UBXN6: variants seen among roughly 807,000 people sequenced by gnomAD.
UBXN6 encodes the protein UBX domain protein 6.
A neutral mutation model predicts 51.4 loss-of-function variants in UBXN6; 44 were observed. That is an observed-to-expected ratio of 0.86 (90% CI 0.67 to 1.10). The LOEUF is 1.10. UBXN6 is among the 50% of genes least tolerant of loss of function. The pLI, the probability that UBXN6 is intolerant of heterozygous loss-of-function variation, is 0.00. For synonymous variants in UBXN6, 316 were observed against 263.2 expected (o/e 1.20, Z -1.94); for missense variants, 672 against 596.1 (o/e 1.13, Z -1.32).
chr19:4,455,792 G>T (rs1974731622), intron 1 of UBXN6, among the ~76,000 whole-genome samples: 1 of 152,044 alleles, frequency 6.6e-6, no homozygotes, highest in South Asian at 2.1e-4. Context: ...CTGCCGCAGG[G>T]AGAGAAGGAG....
rs1568192242 is a variant in UBXN6, at chr19:4,452,353, G to GTGCCACTCACCAAGAGAATGGCCTCCTT, written c.424_441+10dup. The GTGCCACTCACCAAGAGAATGGCCTCCTT allele has an allele frequency of 1.2e-6, 2 of 1,612,816 alleles. No homozygotes were observed. The highest frequency in any genetic ancestry group is 2.2e-5 in the South Asian group (2 of 90,956). On this transcript the variant is annotated intron_variant, in intron 4 of 10. Transcript: ENST00000301281. Reference sequence around the variant, plus strand: ...ACAGGTTGGGGCAGGAGCACACAGGGTGCCACTCACCAAGAGAATGGCCTC... The same window carrying GTGCCACTCACCAAGAGAATGGCCTCCTT: ...ACAGGTTGGGGCAGGAGCACACAGGGTGCCACTCACCAAGAGAATGGCCTCCTTTGCCACTCACCAAGAGAATGGCCTC...
Position 4,454,047 on chromosome 19 carries a change from G to A in UBXN6, c.130C>T (p.Pro44Ser). 6.3e-7 allele frequency: 1 copy of A among 1,584,832 alleles called. No homozygotes were observed. The highest frequency in any genetic ancestry group is 8.6e-7 in the Non-Finnish European group (1 of 1,168,476). Residue 44 changes from proline (P) to serine (S), a missense_variant, in exon 2 of 11, where the codon CCC (proline) becomes TCC (serine). Coordinates refer to ENST00000301281, the MANE Select transcript of UBXN6 (RefSeq NM_025241.3). ...GCCTCATTGGTGGGTCCCTGGCGGG[G>A]CGGCCTGGGGGCTGGCTGGTTGGGC... is the stretch of plus-strand genomic sequence containing the variant. ...EKPNQPAPRP[P>S]RQGPTNEAQM...
rs1254097332 is a variant in UBXN6, at chr19:4,457,720, G to A, written c.-23C>T. 1 of 1,494,774 alleles carries A rather than the reference G, an allele frequency of 6.7e-7. No individual in the cohort carries two copies. Among genetic ancestry groups the A allele is most frequent in the East Asian group, 2.7e-5 (1 of 36,806 alleles). The allele number at this position is 1,494,774 out of a possible 1,614,324, so 92.6% of individuals were successfully genotyped here. ...CATGGTGGCGGCTGGCCCGGCGGCG[G>A]GGGGCCGCGGGGGCGGGGGGGCACG... On this transcript the variant is annotated 5_prime_UTR_variant, in exon 1 of 11. Coordinates refer to ENST00000301281, the MANE Select transcript of UBXN6 (RefSeq NM_025241.3).
Position 4,446,209 on chromosome 19 carries a change from G to T in UBXN6, c.1052-12C>A. ...AGCGTAGAAAGTGCCTGGGGAGTGG[G>T]GGAGTCAGAGCGGGTGGGGCCCAGG... On this transcript the variant is annotated splice_polypyrimidine_tract_variant and intron_variant, in intron 9 of 10. Coordinates refer to ENST00000301281, the MANE Select transcript of UBXN6 (RefSeq NM_025241.3). 1 of 1,594,576 alleles carries T rather than the reference G, an allele frequency of 6.3e-7. No homozygotes were observed.
At chr19:4,447,714 G>T in intron 5 of UBXN6, 89 bp from the exon 6 acceptor site, 1 of 1,312,174 alleles carries the variant, frequency 7.6e-7, no homozygotes, top group Non-Finnish European at 1.1e-6. Flanking sequence ...CAGCAGCTCA[G>T]CCACACTTGG....
chr19:4,453,395 G>T lies in UBXN6; in HGVS notation c.312+63C>A, dbSNP rs1008986094. On this transcript the variant is annotated intron_variant, in intron 3 of 10. Transcript: ENST00000301281. ...CAAGGGCAGAGGCCACATCTCCCCC[G>T]TGACACAGTCAAGCTGTCCCCACCC... The T allele has an allele frequency of 2.0e-5, 31 of 1,566,012 alleles. No homozygotes were observed. In the East Asian group the frequency reaches 6.9e-4, roughly 35 times the overall value.
Position 4,446,922 on chromosome 19 carries a change from T to C in UBXN6, c.616-2A>G. 1 of 1,613,706 alleles carries C rather than the reference T, an allele frequency of 6.2e-7. No individual in the cohort carries two copies. The highest frequency in any genetic ancestry group is 8.5e-7 in the Non-Finnish European group (1 of 1,179,916). Reference sequence around the variant, plus strand: ...CCCTTCCAGGCAGTTAATGCGCTCCTGGGGGTGGAGATGGGCGTCACTGGG... The same window carrying C: ...CCCTTCCAGGCAGTTAATGCGCTCCCGGGGGTGGAGATGGGCGTCACTGGG... On this transcript the variant is annotated splice_acceptor_variant, in intron 6 of 10. Coordinates refer to ENST00000301281, the MANE Select transcript of UBXN6 (RefSeq NM_025241.3). LOFTEE classifies it high-confidence loss of function.
Position 4,446,173 on chromosome 19 carries a change from A to G in UBXN6, c.1076T>C (p.Leu359Pro), listed in dbSNP as rs780697668. 6.2e-7 allele frequency: 1 copy of G among 1,609,018 alleles called. No individual in the cohort carries two copies. The highest frequency in any genetic ancestry group is 8.5e-7 in the Non-Finnish European group (1 of 1,179,200). ...LQGTFYARER[L>P]GAVYGFVREA... ...CCGGACGAACCCGTACACCGCCCCC[A>G]GCCGCTCCCGAGCGTAGAAAGTGCC... Residue 359 changes from leucine (L) to proline (P), a missense_variant, in exon 10 of 11, where the codon CTG becomes CCG. By Grantham distance (98) the Leu-to-Pro change is moderately conservative (BLOSUM62 -3). Coordinates refer to ENST00000301281, the MANE Select transcript of UBXN6 (RefSeq NM_025241.3).
upstream of UBXN6, chr19:4,457,794 TTAAAAAAA>T (rs1265092701): frequency 3.4e-4 from 55 of 161,508 alleles, no homozygotes; most frequent in African/African-American, 7.5e-4. Context: ...CGGAAGAAAA[TTAAAAAAA>T]AAAAAAAAAA....
At position 4,457,596 on chromosome 19, in the gene UBXN6, C is replaced by T. The variant is rs1974758135; in HGVS notation, c.83+19G>A. On this transcript the variant is annotated intron_variant, in intron 1 of 10. Coordinates refer to ENST00000301281, the MANE Select transcript of UBXN6 (RefSeq NM_025241.3). ...GTCCCCGCCCCGCAGGGCCTCAAGCCCCTGCGTTCCTCACGCACCCCACGG... is the reference window on the plus strand; with the variant it reads ...GTCCCCGCCCCGCAGGGCCTCAAGCTCCTGCGTTCCTCACGCACCCCACGG... The T allele has an allele frequency of 6.3e-7, 1 of 1,588,460 alleles. No individual in the cohort carries two copies. The highest frequency in any genetic ancestry group is 8.5e-7 in the Non-Finnish European group (1 of 1,169,804).
chr19:4,445,310 C>T lies in UBXN6; in HGVS notation c.*188G>A. On this transcript the variant is annotated 3_prime_UTR_variant, in exon 11 of 11. Coordinates refer to ENST00000301281, the MANE Select transcript of UBXN6 (RefSeq NM_025241.3). ...CCTCGGGGGCTTGGGCGCATCCCCA[C>T]AGCCCCCAAGGGATGGGGGCTCTGC... The T allele has an allele frequency of 1.0e-6, 1 of 970,814 alleles. No individual in the cohort carries two copies. 60.1% of individuals were successfully genotyped at this position (970,814 alleles called of 1,614,324 possible). A position where few individuals can be genotyped will look rare whatever the true frequency, so the allele number is the denominator to read the frequency against.
intron 1 of UBXN6, 104 bp downstream of exon 1, chr19:4,457,511 A>T: frequency 1.2e-6 from 1 of 813,136 alleles, no homozygotes; most frequent in Non-Finnish European, 1.6e-6. Context: ...TGCCGCTCCC[A>T]GCCCCTCATC....
intron 1 of UBXN6, 144 bp downstream of exon 1, chr19:4,457,471 G>C (rs1974755341): frequency 6.9e-6 from 1 of 144,450 alleles, no homozygotes; most frequent in Non-Finnish European, 1.1e-5. Flanking sequence ...GTCCGCCCCC[G>C]GCGCCTCTCC....
chr19:4,452,031 C>T (rs1327966946), intron 4 of UBXN6, among the ~76,000 whole-genome samples: 2 of 151,192 alleles, frequency 1.3e-5, no homozygotes, highest in East Asian at 3.9e-4. Flanking sequence ...TGCCTGTAAT[C>T]CCAGCTACTT....
intron 1 of UBXN6, among the ~76,000 whole-genome samples, chr19:4,454,347 C>G (rs889504893): frequency 5.9e-5 from 9 of 152,204 alleles, no homozygotes; most frequent in Non-Finnish European, 1.3e-4. Context: ...GTCCTGCCCC[C>G]ACTGGCCCTC....
Position 4,457,733 on chromosome 19 carries a change from G to T in UBXN6, c.-36C>A, listed in dbSNP as rs1212394282. 2 of 1,452,326 alleles carry T rather than the reference G, an allele frequency of 1.4e-6. No individual in the cohort carries two copies. Among genetic ancestry groups the T allele is most frequent in the Non-Finnish European group, 9.2e-7 (1 of 1,088,454 alleles). 90.0% of individuals were successfully genotyped at this position (1,452,326 alleles called of 1,614,324 possible). ...GGCCCGGCGGCGGGGGGCCGCGGGG[G>T]CGGGGGGGCACGGGGCCCAGTCGGG... On this transcript the variant is annotated 5_prime_UTR_variant, in exon 1 of 11. Coordinates refer to ENST00000301281, the MANE Select transcript of UBXN6 (RefSeq NM_025241.3).
Position 4,445,391 on chromosome 19 carries a change from A to G in UBXN6, c.*107T>C, listed in dbSNP as rs1974484756. ...GGCGCCCCTCCCGTGCCCATGGGGC[A>G]GAGCCAAGTATTTCCAGAGGTGGCT... is the stretch of plus-strand genomic sequence containing the variant. On this transcript the variant is annotated 3_prime_UTR_variant, in exon 11 of 11. Coordinates refer to ENST00000301281, the MANE Select transcript of UBXN6 (RefSeq NM_025241.3). 6.5e-7 allele frequency: 1 copy of G among 1,549,814 alleles called. No individual in the cohort carries two copies. The highest frequency in any genetic ancestry group is 2.3e-5 in the East Asian group (1 of 44,144).
At chr19:4,448,526 G>A (rs962785379) in intron 4 of UBXN6, 111 bp from the exon 5 acceptor site, 19 of 856,732 alleles carry the variant, frequency 2.2e-5, no homozygotes, top group African/African-American at 1.0e-4. Flanking sequence ...GGCTTGGAGC[G>A]GCCCCAGCTG....
At chr19:4,447,341 AT>A in intron 6 of UBXN6, 1 of 594,780 alleles carries the variant, frequency 1.7e-6, no homozygotes, top group South Asian at 2.0e-5. Context: ...GAGAGGCAGA[AT>A]TTGTTGATTT....
Sources: allele counts gnomAD v4.1 joint callset (sites outside exome capture counted in the v4.1 genomes callset), GRCh38; gene constraint gnomAD v4.1.1; transcripts MANE v1.5; gene names NCBI Gene and HGNC (gene_info 2026-07-23, HGNC 2026-07-21).